The following USP8 variants were observed in gnomAD, a reference collection of about 807,000 sequenced individuals.
The protein encoded by USP8 is ubiquitin carboxyl-terminal hydrolase 8.
In USP8, 27 loss-of-function variants were observed where a neutral mutation model predicts 130.0. The observed-to-expected ratio is 0.21, with a 90% CI of 0.15 to 0.29. USP8 has a LOEUF of 0.29. Among genes scored for constraint, USP8 ranks in the 10% least tolerant of loss-of-function variants. The probability of loss-of-function intolerance (pLI) is 1.00; values close to 1 mark genes in which losing one functional copy is unlikely to be tolerated. For synonymous variants in USP8, 392 were observed against 444.1 expected, an observed-to-expected ratio of 0.88 and a Z score of 1.48; for missense variants, 1,029 against 1,312.2, an observed-to-expected ratio of 0.78 and a Z score of 3.33.
chr15:50,444,345 T>A (rs2050356224), intron 3 of USP8, among the ~76,000 whole-genome samples: 2 of 151,876 alleles, frequency 1.3e-5, no homozygotes, highest in Admixed American at 1.3e-4. Flanking sequence ...CCCTCGGTGA[T>A]CCACCTACCT....
At position 50,504,890 on chromosome 15, in the gene USP8, G is replaced by A. The variant is rs993071099; in HGVS notation, c.*5802G>A. ...CCAGCTACTTGAGAGGCTGAAGCAG[G>A]AGAATCGCTTGAACCCGGGAGGTGG... is the stretch of plus-strand genomic sequence containing the variant. On this transcript the variant is annotated 3_prime_UTR_variant, in exon 20 of 20. Coordinates refer to ENST00000307179, the MANE Select transcript of USP8 (RefSeq NM_005154.5). The A allele has an allele frequency of 2.0e-5, 3 of 151,994 alleles. No homozygotes were observed. The highest frequency in any genetic ancestry group is 7.3e-5 in the African/African-American group (3 of 41,282). The allele number at this position is 151,994 out of a possible 1,614,324, so 9.4% of individuals were successfully genotyped here. A position where few individuals can be genotyped will look rare whatever the true frequency, so the allele number is the denominator to read the frequency against.
intron 15 of USP8, chr15:50,493,427 A>C (rs952409636): frequency 3.9e-6 from 2 of 519,114 alleles, no homozygotes; most frequent in Non-Finnish European, 7.7e-6. Context: ...CAGAAAAGTC[A>C]AATTAGGAAA....
rs1226219630 is a variant in USP8, at chr15:50,460,597, C to G, written c.498+1435C>G. 2.6e-5 allele frequency among the ~76,000 whole-genome samples: 4 copies of G among 152,016 alleles called. No homozygotes were observed. In the South Asian group the frequency reaches 8.3e-4, roughly 32 times the overall value. On this transcript the variant is annotated intron_variant, in intron 5 of 19. Transcript: ENST00000307179. ...GTGTTGGGATTATAGGAGTGAGCCA[C>G]CACTCCTGGCTTCTCCCATTTTTTC...
At chr15:50,444,792 C>T (rs761117149) in intron 3 of USP8, among the ~76,000 whole-genome samples, 2 of 152,094 alleles carry the variant, frequency 1.3e-5, no homozygotes, top group South Asian at 2.1e-4. Flanking sequence ...ATCTCACTTC[C>T]GTCACCCAGG....
intron 1 of USP8, chr15:50,432,220 C>G (rs1423530776): frequency 6.6e-6 from 1 of 152,136 alleles, no homozygotes; most frequent in African/African-American, 2.4e-5. Flanking sequence ...GTAGCTGAGA[C>G]CTCAGATGTG....
Position 50,508,970 on chromosome 15 carries a change from T to TAA in USP8, c.*9886_*9887dup, listed in dbSNP as rs2141348967. On this transcript the variant is annotated 3_prime_UTR_variant, in exon 20 of 20. Transcript: ENST00000307179. The stretch of plus-strand genomic sequence containing the variant: ...TAACACGGTGAAACCCCATCTCTAT[T>TAA]AAAAATACAAAAAATTACCTGGGCA... 1 of 150,976 alleles carries TAA rather than the reference T, an allele frequency of 6.6e-6. No homozygotes were observed. The highest frequency in any genetic ancestry group is 2.0e-4 in the East Asian group (1 of 5,108). 9.4% of individuals were successfully genotyped at this position (150,976 alleles called of 1,614,324 possible). A position where few individuals can be genotyped will look rare whatever the true frequency, so the allele number is the denominator to read the frequency against.
intron 8 of USP8, among the ~76,000 whole-genome samples, chr15:50,474,346 G>A (rs1208010813): frequency 6.6e-6 from 1 of 152,110 alleles, no homozygotes; most frequent in Non-Finnish European, 1.5e-5. Context: ...ATGCTGGTGA[G>A]CATGTGGTGA....
chr15:50,490,525 A>G lies in USP8; in HGVS notation c.2234A>G (p.Lys745Arg). 1 of 1,613,120 alleles carries G rather than the reference A, an allele frequency of 6.2e-7. No homozygotes were observed. The highest frequency in any genetic ancestry group is 1.1e-5 in the South Asian group (1 of 90,998). Reference protein sequence around the residue: ...TVTPTVNRENKPTCYPKAEIS... With the variant: ...TVTPTVNRENRPTCYPKAEIS... ...ACTCCAACAGTTAATCGGGAAAACA[A>G]GTATGTTTATCTTAACTCCTAGAAC... The change falls in exon 14 of 20, where the codon AAG becomes AGG. Residue 745 changes from lysine (K) to arginine (R), a missense_variant and splice_region_variant. Around this residue, in one of 4 missense-constraint regions of USP8, gnomAD observed 486 missense variants for 522.0 expected, o/e 0.93. Coordinates refer to ENST00000307179, the MANE Select transcript of USP8 (RefSeq NM_005154.5).
rs961995134 is a variant in USP8 at position 50,508,933 on chromosome 15, G to C, written c.*9845G>C. The C allele has an allele frequency of 6.6e-6, 1 of 151,650 alleles. No individual in the cohort carries two copies. The highest frequency in any genetic ancestry group is 2.4e-5 in the African/African-American group (1 of 41,294). 9.4% of individuals were successfully genotyped at this position (151,650 alleles called of 1,614,324 possible). On this transcript the variant is annotated 3_prime_UTR_variant, in exon 20 of 20. Transcript: ENST00000307179. ...GCGGATCACGAGGTCAGGAGATTGA[G>C]ACCATCCTGGCTAACACGGTGAAAC...
chr15:50,477,988 G>A (rs954910119), intron 10 of USP8, among the ~76,000 whole-genome samples: 19 of 151,980 alleles, frequency 1.3e-4, no homozygotes, highest in African/African-American at 3.6e-4. Flanking sequence ...CAGCATTACC[G>A]CCACGCCTAT....
intron 10 of USP8, among the ~76,000 whole-genome samples, chr15:50,480,433 G>C (rs999215152): frequency 2.0e-5 from 3 of 152,130 alleles, no homozygotes; most frequent in Admixed American, 1.3e-4. Flanking sequence ...TTTTAAATAA[G>C]TAATTATAGT....
chr15:50,472,103 G>A (rs1003048532), intron 8 of USP8, among the ~76,000 whole-genome samples: 12 of 151,680 alleles, frequency 7.9e-5, no homozygotes, highest in African/African-American at 7.3e-5. Context: ...GTTTCACCAT[G>A]TTGGCCAGGC....
At chr15:50,472,825 G>T (rs546881601) in intron 8 of USP8, among the ~76,000 whole-genome samples, 1 of 151,996 alleles carries the variant, frequency 6.6e-6, no homozygotes, top group Admixed American at 6.6e-5. Context: ...TAGGAGAATC[G>T]ATTGAACCCG....
rs759718033 is a variant in USP8 at position 50,497,256 on chromosome 15, G to A, written c.3038+25G>A. ...GGTAAAGGGGAAAGTTTGTCCTCCT[G>A]TTCAGTGAAATTAAATGAGGGAATT... On this transcript the variant is annotated intron_variant, in intron 18 of 19. Transcript: ENST00000307179. The A allele has an allele frequency of 2.5e-6, 4 of 1,570,312 alleles. No homozygotes were observed. In the East Asian group the frequency reaches 9.1e-5, roughly 36 times the overall value.
chr15:50,440,287 G>A (rs918084642), intron 2 of USP8, among the ~76,000 whole-genome samples: 1 of 152,182 alleles, frequency 6.6e-6, no homozygotes, highest in Admixed American at 6.6e-5. Context: ...TTCTAGTAAT[G>A]TCTGGTTTAC....
chr15:50,461,024 C>T (rs967565663), intron 5 of USP8, among the ~76,000 whole-genome samples: 1 of 151,434 alleles, frequency 6.6e-6, no homozygotes, highest in Non-Finnish European at 1.5e-5. Context: ...TGCAGTTTCG[C>T]TTTTGTTGCC....
chr15:50,459,701 A>G (rs923529292), intron 5 of USP8, among the ~76,000 whole-genome samples: 4 of 152,198 alleles, frequency 2.6e-5, no homozygotes, highest in African/African-American at 9.7e-5. Context: ...CAGACATTAT[A>G]AACTTAATTA....
At chr15:50,476,170 G>T (rs138187360) in intron 8 of USP8, among the ~76,000 whole-genome samples, 1 of 152,160 alleles carries the variant, frequency 6.6e-6, no homozygotes, top group Non-Finnish European at 1.5e-5. Flanking sequence ...AGCGGCTCAC[G>T]CCTATAAATC....
rs1053002809 is a variant in USP8, at chr15:50,513,909, C to T, written c.*14821C>T. The T allele has an allele frequency of 4.6e-5, 7 of 152,168 alleles. No individual in the cohort carries two copies. The South Asian group carries it at 1.5e-3, about 32-fold the overall frequency. 9.4% of individuals were successfully genotyped at this position (152,168 alleles called of 1,614,324 possible). On this transcript the variant is annotated 3_prime_UTR_variant, in exon 20 of 20. Transcript: ENST00000307179. ...GCGTATTTCTGAACCAGGAGTTTCA[C>T]TCCTAGGTATGTACTCAAAAGAACT...
Sources: gnomAD v4.1 joint callset for allele counts (sites outside exome capture counted in the v4.1 genomes callset) on GRCh38, gnomAD v4.1.1 for gene constraint, gnomAD v4.1.1 regional missense constraint, MANE v1.5 for transcripts, NCBI Gene and HGNC (gene_info 2026-07-23, HGNC 2026-07-21) for gene names.